PDLIM5: variants seen among roughly 807,000 people sequenced by gnomAD.
The protein encoded by PDLIM5 is PDZ and LIM domain protein 5.
In PDLIM5, 34 loss-of-function variants were observed where a neutral mutation model predicts 64.2. The observed-to-expected ratio is 0.53, with a 90% CI of 0.40 to 0.71. The LOEUF (loss-of-function observed/expected upper bound fraction) is 0.71. PDLIM5 is among the 30% of genes least tolerant of loss of function. The pLI, the probability that PDLIM5 is intolerant of heterozygous loss-of-function variation, is 0.00. For missense variants in PDLIM5, 683 were observed against 733.6 expected, an observed-to-expected ratio of 0.93 and a Z score of 0.80; for synonymous variants, 253 against 269.1, an observed-to-expected ratio of 0.94 and a Z score of 0.59.
At chr4:94,594,850 T>G (rs1233624788) in intron 7 of PDLIM5, among the ~76,000 whole-genome samples, 1 of 152,210 alleles carries the variant, frequency 6.6e-6, no homozygotes, top group African/African-American at 2.4e-5. Context: ...TAAAGAATGA[T>G]GGGTTCTGAT....
chr4:94,640,759 G>A lies in PDLIM5; in HGVS notation c.1283+309G>A, dbSNP rs564160568. On this transcript the variant is annotated intron_variant, in intron 9 of 12. Coordinates refer to ENST00000317968, the MANE Select transcript of PDLIM5 (RefSeq NM_006457.5). ...GAATAATAAAATTTTAAGACTCAAAGGGACCCTGAAAGTCATTTATCCTAA... is the reference window on the plus strand; with the variant it reads ...GAATAATAAAATTTTAAGACTCAAAAGGACCCTGAAAGTCATTTATCCTAA... Among the ~76,000 whole-genome samples, 98 of 152,118 alleles carry A rather than the reference G, an allele frequency of 6.4e-4. 2 individuals carry two copies. The South Asian group carries it at 0.012, about 19-fold the overall frequency.
intron 3 of PDLIM5, among the ~76,000 whole-genome samples, chr4:94,566,892 T>C (rs923161319): frequency 6.6e-6 from 1 of 152,266 alleles, no homozygotes; most frequent in Non-Finnish European, 1.5e-5. Flanking sequence ...TAATTTTATA[T>C]ACATTGTTTA....
chr4:94,456,283 C>G, intron 2 of PDLIM5: 1 of 514,088 alleles, frequency 1.9e-6, no homozygotes, highest in Non-Finnish European at 3.4e-6. Flanking sequence ...ACCACAACCT[C>G]CATCTCCCGA....
At chr4:94,564,861 T>A (rs1005674686) in intron 3 of PDLIM5, among the ~76,000 whole-genome samples, 1 of 151,646 alleles carries the variant, frequency 6.6e-6, no homozygotes, top group Admixed American at 6.6e-5. Flanking sequence ...TTTCACCGTG[T>A]TAGCCAGGAT....
rs755802595 is a variant in PDLIM5, at chr4:94,585,705, G to A, written c.851G>A (p.Arg284Gln). Residue 284 changes from arginine to glutamine, a missense_variant, in exon 6 of 13, where the codon CGA becomes CAA. Transcript: ENST00000317968. ...GGAACAACTCAGTCTCGCTCTTTCC[G>A]AATCCTTGCCCAGATCACTGGGACT... ...RTGTTQSRSF[R>Q]ILAQITGTEH... 2.3e-5 allele frequency: 37 copies of A among 1,613,692 alleles called. No homozygotes were observed. Among genetic ancestry groups the A allele is most frequent in the African/African-American group, 2.3e-4 (17 of 74,886 alleles).
chr4:94,587,267 C>A, intron 7 of PDLIM5: 3 of 1,302,124 alleles, frequency 2.3e-6, no homozygotes, highest in South Asian at 2.1e-5. Context: ...TAGTTGGTAG[C>A]TCACAAATGT....
intron 3 of PDLIM5, among the ~76,000 whole-genome samples, chr4:94,555,903 T>TTA (rs1374306224): frequency 2.0e-5 from 3 of 151,132 alleles, no homozygotes; most frequent in Non-Finnish European, 4.4e-5. Flanking sequence ...TTATTTTTAT[T>TTA]TATATATATA....
At chr4:94,662,645 G>T in intron 12 of PDLIM5, 108 bp downstream of exon 12, 3 of 485,870 alleles carry the variant, frequency 6.2e-6, no homozygotes, top group South Asian at 4.1e-5. Flanking sequence ...TCAAACCTAA[G>T]GAAAAATTAT....
At chr4:94,522,577 T>C (rs1729928311) in intron 2 of PDLIM5, among the ~76,000 whole-genome samples, 1 of 152,150 alleles carries the variant, frequency 6.6e-6, no homozygotes, top group African/African-American at 2.4e-5. Context: ...GGTTTCACCA[T>C]GTTGGCCAGG....
At position 94,585,413 on chromosome 4, in the gene PDLIM5, A is replaced by C. The variant is rs568276082; in HGVS notation, c.711-152A>C. 171 of 508,920 alleles carry C rather than the reference A, an allele frequency of 3.4e-4. 1 individual carries two copies. The South Asian group carries it at 7.3e-3, about 22-fold the overall frequency. The allele number at this position is 508,920 out of a possible 1,614,324, so 31.5% of individuals were successfully genotyped here. On this transcript the variant is annotated intron_variant, in intron 5 of 12. Transcript: ENST00000317968. Reference sequence around the variant, plus strand: ...CCTATTTTAGATAGATCTTTTAAAAACTTGAGACCGAATATACTTGCAAAG... The same window carrying C: ...CCTATTTTAGATAGATCTTTTAAAACCTTGAGACCGAATATACTTGCAAAG...
intron 7 of PDLIM5, among the ~76,000 whole-genome samples, chr4:94,592,781 C>A (rs1457806504): frequency 6.6e-6 from 1 of 152,086 alleles, no homozygotes; most frequent in Non-Finnish European, 1.5e-5. Context: ...CACACACCAC[C>A]ACACCTGGCT....
chr4:94,608,383 A>G (rs10011209), intron 7 of PDLIM5, among the ~76,000 whole-genome samples: 135,752 of 152,256 alleles, frequency 0.89, 61,266 homozygotes, highest in East Asian at 0.96. Context: ...AACTTCTAAT[A>G]TAGAATCAAG....
intron 3 of PDLIM5, among the ~76,000 whole-genome samples, chr4:94,544,038 C>T (rs1179774648): frequency 6.6e-6 from 1 of 152,140 alleles, no homozygotes; most frequent in East Asian, 1.9e-4. Flanking sequence ...TACATTCCCA[C>T]TAGCAGTACG....
intron 2 of PDLIM5, among the ~76,000 whole-genome samples, chr4:94,511,700 T>A (rs1728896268): frequency 6.6e-6 from 1 of 152,140 alleles, no homozygotes. Context: ...TTTGGCTTTT[T>A]TGGTCCCGCA....
At chr4:94,472,604 C>A (rs1724980580) in intron 2 of PDLIM5, among the ~76,000 whole-genome samples, 3 of 152,128 alleles carry the variant, frequency 2.0e-5, no homozygotes, top group African/African-American at 7.2e-5. Flanking sequence ...GCATCAGCTG[C>A]CTGTGGGTAG....
chr4:94,575,428 A>G (rs901174674), intron 4 of PDLIM5, among the ~76,000 whole-genome samples, 188 bp from the exon 5 acceptor site: 7 of 152,104 alleles, frequency 4.6e-5, no homozygotes, highest in African/African-American at 1.7e-4. Context: ...TGTGTTATGC[A>G]TGTTGGGACT....
chr4:94,551,585 T>C (rs1225346895), intron 3 of PDLIM5, among the ~76,000 whole-genome samples: 1 of 152,170 alleles, frequency 6.6e-6, no homozygotes, highest in Non-Finnish European at 1.5e-5. Flanking sequence ...GTATTGCTTA[T>C]TCATTTCATC....
At chr4:94,505,905 A>G (rs1728352513) in intron 2 of PDLIM5, among the ~76,000 whole-genome samples, 1 of 152,074 alleles carries the variant, frequency 6.6e-6, no homozygotes, top group African/African-American at 2.4e-5. Context: ...TGCTTACGTC[A>G]TTGGCCATTG....
chr4:94,569,612 C>T (rs1734636156), intron 3 of PDLIM5, among the ~76,000 whole-genome samples: 1 of 152,156 alleles, frequency 6.6e-6, no homozygotes, highest in African/African-American at 2.4e-5. Context: ...CACAAGCCAG[C>T]GTTCCTGTCC....
Sources: allele counts gnomAD v4.1 joint callset (sites outside exome capture counted in the v4.1 genomes callset), GRCh38; gene constraint gnomAD v4.1.1; transcripts MANE v1.5; gene names NCBI Gene and HGNC (gene_info 2026-07-23, HGNC 2026-07-21).